The following RYR2 variants were observed in gnomAD, a reference collection of about 807,000 sequenced individuals.
RYR2 encodes the protein cardiac muscle ryanodine receptor-calcium release channel.
Under a neutral mutation model 601.1 loss-of-function variants are expected in RYR2, and 227 were observed. The ratio of observed to expected loss-of-function variants is 0.38; its 90% CI spans 0.34 to 0.42. The LOEUF (loss-of-function observed/expected upper bound fraction) is 0.42. Among genes scored for constraint, RYR2 ranks in the 10% least tolerant of loss-of-function variants. The pLI, the probability that RYR2 is intolerant of heterozygous loss-of-function variation, is 1.00. For synonymous variants in RYR2, 2,223 were observed against 2,175.1 expected, an observed-to-expected ratio of 1.02 and a Z score of -0.61; for missense variants, 4,646 against 6,156.5, an observed-to-expected ratio of 0.75 and a Z score of 8.21.
At chr1:237,547,662 C>T (rs946949739) in intron 25 of RYR2, among the ~76,000 whole-genome samples, 1 of 152,132 alleles carries the variant, frequency 6.6e-6, no homozygotes, top group African/African-American at 2.4e-5. Context: ...CTGTGTGGAG[C>T]AGGGCAGTAC....
At chr1:237,084,315 G>A (rs1001032930) in intron 1 of RYR2, among the ~76,000 whole-genome samples, 3 of 152,078 alleles carry the variant, frequency 2.0e-5, no homozygotes, top group Non-Finnish European at 4.4e-5. Context: ...GACTTCTAAT[G>A]CTCCCGCTAA....
intron 74 of RYR2, among the ~76,000 whole-genome samples, chr1:237,723,485 C>A (rs1328571828): frequency 6.6e-6 from 1 of 151,800 alleles, no homozygotes; most frequent in Non-Finnish European, 1.5e-5. Flanking sequence ...GAGATCCTGG[C>A]CTTTGTTTTG....
chr1:237,048,308 A>T (rs1216418252), intron 1 of RYR2, among the ~76,000 whole-genome samples: 1 of 152,126 alleles, frequency 6.6e-6, no homozygotes, highest in Non-Finnish European at 1.5e-5. Context: ...TCTCTTCTGC[A>T]TCTAATTTGT....
intron 3 of RYR2, among the ~76,000 whole-genome samples, chr1:237,354,065 T>C (rs946288657): frequency 1.1e-4 from 17 of 152,230 alleles, no homozygotes; most frequent in African/African-American, 4.1e-4. Flanking sequence ...CTTTATTGTA[T>C]GTTAGTCAGT....
rs1320837394 is a variant in RYR2 at position 237,792,155 on chromosome 1, A to G, written c.13614A>G (p.Ser4538=). The change falls in exon 94 of 105, where the codon TCA becomes TCG. Residue 4538 remains serine (S), a synonymous_variant. Transcript: ENST00000366574. Reference sequence around the variant, plus strand: ...GAAAGGAGCTCCCCACGAGAAGTTCAAGTGAAAATGCCAAAGTGACAAGCC... The same window carrying G: ...GAAAGGAGCTCCCCACGAGAAGTTCGAGTGAAAATGCCAAAGTGACAAGCC... ...VEGKELPTRS[S]SENAKVTSLD... 1 of 1,611,218 alleles carries G rather than the reference A, an allele frequency of 6.2e-7. No individual in the cohort carries two copies. The highest frequency in any genetic ancestry group is 1.1e-5 in the South Asian group (1 of 90,348).
At chr1:237,645,560 A>G (rs572457890) in intron 48 of RYR2, among the ~76,000 whole-genome samples, 1 of 152,360 alleles carries the variant, frequency 6.6e-6, no homozygotes, top group South Asian at 2.1e-4. Flanking sequence ...ATAACATAAT[A>G]ACAAAGAACC....
intron 1 of RYR2, among the ~76,000 whole-genome samples, chr1:237,193,188 G>T (rs559498618): frequency 1.9e-3 from 76 of 39,044 alleles, no homozygotes; most frequent in African/African-American, 5.2e-3. Context: ...AAAGAAGGCC[G>T]GGTGCGGTGG....
intron 5 of RYR2, 45 bp downstream of exon 5, chr1:237,364,417 T>C (rs769298773): frequency 9.3e-7 from 1 of 1,071,404 alleles, no homozygotes; most frequent in Non-Finnish European, 1.4e-6. Context: ...ATAGCAGATA[T>C]ATTACTATAT....
In RYR2 at chr1:237,042,452, G is replaced by C; in HGVS notation, c.-70G>C. Reference sequence around the variant, plus strand: ...CCCGGCAGCAGAAGCAGAAGGCAGCGCCAGGGGCCGCCGCCGCCGCCGAGC... The same window carrying C: ...CCCGGCAGCAGAAGCAGAAGGCAGCCCCAGGGGCCGCCGCCGCCGCCGAGC... On this transcript the variant is annotated 5_prime_UTR_variant, in exon 1 of 105. Transcript: ENST00000366574. 8.2e-7 allele frequency: 1 copy of C among 1,224,062 alleles called. No individual in the cohort carries two copies. Among genetic ancestry groups the C allele is most frequent in the Non-Finnish European group, 1.0e-6 (1 of 972,040 alleles). The allele number at this position is 1,224,062 out of a possible 1,614,324, so 75.8% of individuals were successfully genotyped here.
At chr1:237,395,168 C>G (rs936610373) in intron 10 of RYR2, among the ~76,000 whole-genome samples, 1 of 152,122 alleles carries the variant, frequency 6.6e-6, no homozygotes, top group African/African-American at 2.4e-5. Flanking sequence ...CTCAACAACA[C>G]TATATTCAGG....
intron 34 of RYR2, among the ~76,000 whole-genome samples, chr1:237,598,392 A>T (rs975737859): frequency 6.6e-6 from 1 of 152,222 alleles, no homozygotes; most frequent in Non-Finnish European, 1.5e-5. Context: ...CTCATGTGGC[A>T]TTCTCCAGGA....
chr1:237,048,011 G>A (rs915043393), intron 1 of RYR2, among the ~76,000 whole-genome samples: 2 of 152,320 alleles, frequency 1.3e-5, no homozygotes, highest in East Asian at 3.9e-4. Context: ...AGATTCGACA[G>A]CCCTGGGCCT....
At chr1:237,075,249 T>C (rs941038768) in intron 1 of RYR2, among the ~76,000 whole-genome samples, 146 of 152,134 alleles carry the variant, frequency 9.6e-4, no homozygotes, top group African/African-American at 3.1e-3. Flanking sequence ...GAAAGTGTGT[T>C]GGAAAGAAAG....
chr1:237,620,295 A>G (rs1334664282), intron 38 of RYR2, among the ~76,000 whole-genome samples: 2 of 152,178 alleles, frequency 1.3e-5, no homozygotes, highest in African/African-American at 4.8e-5. Flanking sequence ...TTAGGTATGT[A>G]TATAAAATAA....
In RYR2 at chr1:237,508,469, A is replaced by C. The variant is rs186785898; in HGVS notation, c.2718+1655A>C. Among the ~76,000 whole-genome samples, 573 of 151,444 alleles carry C rather than the reference A, an allele frequency of 3.8e-3. 7 individuals carry two copies. The highest frequency in any genetic ancestry group is 0.013 in the African/African-American group (548 of 41,428). ...TTAAAAAGTTCCCATTAAAAAAAAA[A>C]AAACAAACAAAATGTAAAACAAACA... is the stretch of plus-strand genomic sequence containing the variant. On this transcript the variant is annotated intron_variant, in intron 23 of 104. Coordinates refer to ENST00000366574, the MANE Select transcript of RYR2 (RefSeq NM_001035.3).
At chr1:237,768,205 G>A (rs1418034636) in intron 84 of RYR2, among the ~76,000 whole-genome samples, 1 of 152,150 alleles carries the variant, frequency 6.6e-6, no homozygotes, top group East Asian at 1.9e-4. Context: ...CATGAAGATG[G>A]TGTTCAGGAG....
intron 1 of RYR2, among the ~76,000 whole-genome samples, chr1:237,067,957 G>T (rs1304116709): frequency 2.0e-5 from 3 of 151,268 alleles, no homozygotes; most frequent in African/African-American, 7.3e-5. Flanking sequence ...ACAGTTTGTG[G>T]TATAATTAAT....
chr1:237,232,816 G>C (rs1338488799), intron 1 of RYR2, among the ~76,000 whole-genome samples: 1 of 152,132 alleles, frequency 6.6e-6, no homozygotes, highest in Non-Finnish European at 1.5e-5. Flanking sequence ...TTGCTTGCCT[G>C]GTGTGTGGGG....
chr1:237,512,761 A>C (rs1328553787), intron 24 of RYR2, among the ~76,000 whole-genome samples: 1 of 152,128 alleles, frequency 6.6e-6, no homozygotes, highest in South Asian at 2.1e-4. Flanking sequence ...AGTCCCAGCT[A>C]CTTGGAGGCT....
Sources: allele counts gnomAD v4.1 joint callset (sites outside exome capture counted in the v4.1 genomes callset), GRCh38; gene constraint gnomAD v4.1.1; transcripts MANE v1.5; gene names NCBI Gene and HGNC (gene_info 2026-07-23, HGNC 2026-07-21).